Variants in LRRIQ1 observed in about 807,000 individuals in gnomAD.
LRRIQ1 encodes the protein leucine-rich repeat- and IQ domain-containing protein 1.
Under a neutral mutation model 211.9 loss-of-function variants are expected in LRRIQ1, and 210 were observed. The ratio of observed to expected loss-of-function variants is 0.99; its 90% confidence interval spans 0.89 to 1.11. The LOEUF (loss-of-function observed/expected upper bound fraction) is 1.11. LRRIQ1 is among the 50% of genes most tolerant of loss of function. The probability of loss-of-function intolerance (pLI) is 0.00; values close to 1 mark genes in which losing one functional copy is unlikely to be tolerated. For missense variants in LRRIQ1, 2,136 were observed against 1,939.5 expected (o/e 1.10, Z -1.90); for synonymous variants, 699 against 650.1 (o/e 1.08, Z -1.14).
chr12:85,042,365 T>C (rs1275049221), intron 3 of LRRIQ1, among the ~76,000 whole-genome samples: 1 of 149,718 alleles, frequency 6.7e-6, no homozygotes, highest in East Asian at 2.0e-4. Context: ...TTATTTAAAA[T>C]CGTTAATTAT....
At chr12:85,220,724 A>G (rs1439801341) in intron 24 of LRRIQ1, among the ~76,000 whole-genome samples, 2 of 151,372 alleles carry the variant, frequency 1.3e-5, no homozygotes, top group Admixed American at 6.6e-5. Flanking sequence ...TACATGTGCC[A>G]TGTTGGTGTA....
At chr12:85,069,023 T>C (rs1882762948) in intron 10 of LRRIQ1, among the ~76,000 whole-genome samples, 1 of 151,734 alleles carries the variant, frequency 6.6e-6, no homozygotes, top group African/African-American at 2.4e-5. Flanking sequence ...ATGTGCCATG[T>C]TGGTGTGCTG....
intron 24 of LRRIQ1, among the ~76,000 whole-genome samples, chr12:85,190,208 A>G (rs1023407127): frequency 6.9e-6 from 1 of 144,272 alleles, no homozygotes; most frequent in African/African-American, 2.5e-5. Context: ...TTATAATTAT[A>G]ATTTTATAAT....
intron 17 of LRRIQ1, 23 bp downstream of exon 17, chr12:85,124,542 C>A (rs1464424725): frequency 3.2e-6 from 5 of 1,538,700 alleles, no homozygotes; most frequent in Non-Finnish European, 4.5e-6. Context: ...AATAATGTTT[C>A]TTTTATAGAT....
intron 18 of LRRIQ1, among the ~76,000 whole-genome samples, chr12:85,133,705 A>T (rs1461693353): frequency 2.0e-5 from 3 of 152,092 alleles, no homozygotes; most frequent in African/African-American, 7.2e-5. Flanking sequence ...GTTATGAGGA[A>T]CTAGCCTCTT....
chr12:85,153,429 G>A (rs1181773046), intron 21 of LRRIQ1, among the ~76,000 whole-genome samples: 1 of 151,522 alleles, frequency 6.6e-6, no homozygotes, highest in East Asian at 1.9e-4. Context: ...ATAATGATTA[G>A]ACTAAAAATT....
At chr12:85,083,039 T>C (rs1884459376) in intron 11 of LRRIQ1, among the ~76,000 whole-genome samples, 1 of 152,212 alleles carries the variant, frequency 6.6e-6, no homozygotes, top group South Asian at 2.1e-4. Flanking sequence ...ATGAGATTTT[T>C]ATCCCACTCT....
intron 11 of LRRIQ1, among the ~76,000 whole-genome samples, chr12:85,084,927 A>G (rs1225305995): frequency 1.4e-5 from 2 of 147,476 alleles, no homozygotes; most frequent in East Asian, 3.9e-4. Context: ...CTCCATCTCA[A>G]AAAAAAAAAA....
rs1051191865 is a variant in LRRIQ1, at chr12:85,238,169, A to G, written c.5016+5413A>G. On this transcript the variant is annotated intron_variant, in intron 26 of 26. Coordinates refer to ENST00000393217, the MANE Select transcript of LRRIQ1 (RefSeq NM_001079910.2). ...TGGACTTAATAAATTAGACATTGGG[A>G]AGAAAAGTGCACTCAGAAACAAAGC... Among the ~76,000 whole-genome samples, 8 of 152,118 alleles carry G rather than the reference A, an allele frequency of 5.3e-5. No individual in the cohort carries two copies. The South Asian group carries it at 1.4e-3, about 28-fold the overall frequency.
chr12:85,261,737 A>T (rs1362336755), intron 1 of LRRIQ1, among the ~76,000 whole-genome samples: 1 of 151,056 alleles, frequency 6.6e-6, no homozygotes, highest in African/African-American at 2.4e-5. Context: ...TTTAAAGCAG[A>T]GGATCATAAT....
chr12:85,270,698 A>T, the LRRIQ1 span, among the ~76,000 whole-genome samples: 1 of 152,172 alleles, frequency 6.6e-6, no homozygotes, highest in African/African-American at 2.4e-5. Flanking sequence ...ACAAACACAT[A>T]GTGCTTATTT....
At chr12:85,129,608 G>A (rs771180748) in intron 18 of LRRIQ1, among the ~76,000 whole-genome samples, 9 of 152,116 alleles carry the variant, frequency 5.9e-5, no homozygotes, top group Non-Finnish European at 1.0e-4. Flanking sequence ...TTAGCCATTC[G>A]ATATCTGTGG....
chr12:85,052,485 T>A (rs965096624), intron 7 of LRRIQ1, among the ~76,000 whole-genome samples: 18 of 152,060 alleles, frequency 1.2e-4, no homozygotes, highest in Admixed American at 1.2e-3. Context: ...TTCTAACATT[T>A]CTTTTAAGGT....
Position 85,193,410 on chromosome 12 carries a change from G to T in LRRIQ1, c.4822+32696G>T, listed in dbSNP as rs554879389. Among the ~76,000 whole-genome samples, 1,156 of 132,122 alleles carry T rather than the reference G, an allele frequency of 8.7e-3. 5 individuals are homozygous for T. Among genetic ancestry groups the T allele is most frequent in the Non-Finnish European group, 0.015 (920 of 63,196 alleles). 86.7% of individuals were successfully genotyped at this position (132,122 alleles called of 152,430 possible). A position where few individuals can be genotyped will look rare whatever the true frequency, so the allele number is the denominator to read the frequency against. ...TTGAAATGAAGGAAAAAATGTTAAG[G>T]GCAGCCAGAGAGAAAGGTCGGGTTA... On this transcript the variant is annotated intron_variant, in intron 24 of 26. Coordinates refer to ENST00000393217, the MANE Select transcript of LRRIQ1 (RefSeq NM_001079910.2).
chr12:85,103,551 T>G (rs188026585), intron 13 of LRRIQ1, among the ~76,000 whole-genome samples: 149 of 151,878 alleles, frequency 9.8e-4, no homozygotes, highest in African/African-American at 3.4e-3. Flanking sequence ...TGTTGAAAAG[T>G]GATTTTTCAT....
At chr12:85,085,089 A>G (rs189210422) in intron 11 of LRRIQ1, among the ~76,000 whole-genome samples, 1 of 152,280 alleles carries the variant, frequency 6.6e-6, no homozygotes, top group Admixed American at 6.5e-5. Context: ...CTAAGATGAG[A>G]CATAGTATTT....
intron 9 of LRRIQ1, 90 bp downstream of exon 9, chr12:85,065,504 C>A: frequency 9.2e-7 from 1 of 1,081,370 alleles, no homozygotes; most frequent in Non-Finnish European, 1.2e-6. Flanking sequence ...TTTGAAGAAA[C>A]AATTACTAAA....
intron 11 of LRRIQ1, among the ~76,000 whole-genome samples, chr12:85,078,914 G>A (rs1243734167): frequency 1.3e-5 from 2 of 152,102 alleles, no homozygotes; most frequent in East Asian, 3.8e-4. Flanking sequence ...TTTTATAAAT[G>A]TTAATTCTGT....
rs1459663176 is a variant in LRRIQ1 at position 85,098,816 on chromosome 12, A to G, written c.3082-51A>G. On this transcript the variant is annotated intron_variant, in intron 12 of 26. Transcript: ENST00000393217. ...GTTGTGTATTTTTTAATTGGGCTAAATGATAAAATATTTTGCTTAATATAA... is the reference window on the plus strand; with the variant it reads ...GTTGTGTATTTTTTAATTGGGCTAAGTGATAAAATATTTTGCTTAATATAA... The G allele has an allele frequency of 9.0e-6, 12 of 1,340,698 alleles. No homozygotes were observed. The African/African-American group carries it at 1.7e-4, about 18-fold the overall frequency. 83.1% of individuals were successfully genotyped at this position (1,340,698 alleles called of 1,614,324 possible).
Sources: gnomAD v4.1 joint callset for allele counts (sites outside exome capture counted in the v4.1 genomes callset) on GRCh38, gnomAD v4.1.1 for gene constraint, MANE v1.5 for transcripts, NCBI Gene and HGNC (gene_info 2026-07-23, HGNC 2026-07-21) for gene names.